Variants in ELF2 observed in about 807,000 individuals in gnomAD.
ELF2 encodes E74 like ETS transcription factor 2.
ELF2 carries 11 observed loss-of-function variants against 54.8 expected under a neutral mutation model. The ratio of observed to expected loss-of-function variants is 0.20; its 90% CI spans 0.13 to 0.33. The LOEUF is 0.33. Ranked by LOEUF, ELF2 falls within the 10% of genes least tolerant of loss-of-function variation. The pLI is 1.00. For missense variants in ELF2, 513 were observed against 703.0 expected (o/e 0.73, Z 3.06); for synonymous variants, 203 against 245.1 (o/e 0.83, Z 1.61).
chr4:139,123,420 C>T (rs1276135212), intron 4 of ELF2, among the ~76,000 whole-genome samples: 3 of 152,060 alleles, frequency 2.0e-5, no homozygotes, highest in Non-Finnish European at 2.9e-5. Context: ...TATCTCTGCC[C>T]AGCAAATGAT....
chr4:139,127,492 TG>T (rs1737040213), intron 3 of ELF2, among the ~76,000 whole-genome samples: 3 of 152,198 alleles, frequency 2.0e-5, no homozygotes, highest in Admixed American at 2.0e-4. Context: ...TCAATTAGCT[TG>T]GTAAACTATT....
At chr4:139,116,747 C>T (rs923534093) in intron 4 of ELF2, 4 of 985,104 alleles carry the variant, frequency 4.1e-6, no homozygotes, top group Non-Finnish European at 4.8e-6. Flanking sequence ...CGATCTTCTA[C>T]CTCCCTGTGG....
At chr4:139,106,443 T>C (rs1044904881) in intron 4 of ELF2, among the ~76,000 whole-genome samples, 3 of 152,140 alleles carry the variant, frequency 2.0e-5, no homozygotes, top group Non-Finnish European at 2.9e-5. Context: ...GGAACAATAG[T>C]TTTTTAGCTT....
At chr4:139,152,957 G>T (rs1236733262) in intron 1 of ELF2, among the ~76,000 whole-genome samples, 6 of 141,506 alleles carry the variant, frequency 4.2e-5, no homozygotes, top group African/African-American at 5.4e-5. Flanking sequence ...GTGCAGTGGT[G>T]CAATCTCTGC....
rs1339782628 is a variant in ELF2 at position 139,066,395 on chromosome 4, G to A, written c.613+1289C>T. On this transcript the variant is annotated intron_variant, in intron 7 of 9. Transcript: ENST00000686138. Reference sequence around the variant, plus strand: ...GGCCAAGATGGGAGGATCGCTTGAGGCGAGGGGTTTGGGACAAGCCTGGGC... The same window carrying A: ...GGCCAAGATGGGAGGATCGCTTGAGACGAGGGGTTTGGGACAAGCCTGGGC... The A allele has an allele frequency of 2.6e-5, 4 of 151,990 alleles. No individual in the cohort carries two copies. In the East Asian group the frequency reaches 7.7e-4, roughly 29 times the overall value. The allele number at this position is 151,990 out of a possible 1,614,324, so 9.4% of individuals were successfully genotyped here. A position where few individuals can be genotyped will look rare whatever the true frequency, so the allele number is the denominator to read the frequency against.
intron 1 of ELF2, among the ~76,000 whole-genome samples, chr4:139,152,326 T>C (rs1740083229): frequency 6.6e-6 from 1 of 152,056 alleles, no homozygotes; most frequent in African/African-American, 2.4e-5. Context: ...AATTGTAATT[T>C]GTAGTCTACA....
chr4:139,130,418 G>T (rs1737374387), intron 3 of ELF2, among the ~76,000 whole-genome samples: 2 of 152,044 alleles, frequency 1.3e-5, no homozygotes, highest in Admixed American at 6.6e-5. Context: ...TTGATTAGTG[G>T]CATTGCTTCT....
intron 1 of ELF2, among the ~76,000 whole-genome samples, chr4:139,160,317 A>T (rs1294657257): frequency 6.6e-6 from 1 of 152,038 alleles, no homozygotes; most frequent in Non-Finnish European, 1.5e-5. Context: ...CAGACCTACT[A>T]TGTTAACTCT....
intron 4 of ELF2, among the ~76,000 whole-genome samples, chr4:139,115,728 C>G (rs913079685): frequency 1.3e-5 from 2 of 152,178 alleles, no homozygotes; most frequent in Non-Finnish European, 2.9e-5. Context: ...AGTTGATAGT[C>G]TCTTAAAAGT....
intron 4 of ELF2, among the ~76,000 whole-genome samples, chr4:139,123,182 CAAA>C (rs762824168): frequency 1.5e-5 from 1 of 67,318 alleles, no homozygotes. Flanking sequence ...GACTCTGTCT[CAAA>C]AAAAAAAAAA....
At position 139,057,795 on chromosome 4, in the gene ELF2, A is replaced by G. The variant is rs1363629537; in HGVS notation, c.*1188T>C. 6.6e-6 allele frequency: 1 copy of G among 152,542 alleles called. No individual in the cohort carries two copies. The highest frequency in any genetic ancestry group is 6.5e-5 in the Admixed American group (1 of 15,280). The allele number at this position is 152,542 out of a possible 1,614,324, so 9.4% of individuals were successfully genotyped here. On this transcript the variant is annotated 3_prime_UTR_variant, in exon 10 of 10. Coordinates refer to ENST00000686138, the MANE Select transcript of ELF2 (RefSeq NM_001331036.3). ...GAAGAGAGATGTTTTATCACTTCCTAACTAAAACACTTCTATACTGACTTT... is the reference window on the plus strand; with the variant it reads ...GAAGAGAGATGTTTTATCACTTCCTGACTAAAACACTTCTATACTGACTTT...
intron 7 of ELF2, among the ~76,000 whole-genome samples, chr4:139,062,790 T>G (rs1728072280): frequency 6.6e-6 from 1 of 152,196 alleles, no homozygotes; most frequent in African/African-American, 2.4e-5. Flanking sequence ...GTGTAAAACT[T>G]TTAGGCATCA....
intron 1 of ELF2, among the ~76,000 whole-genome samples, chr4:139,158,154 T>A (rs1740739768): frequency 1.3e-5 from 2 of 152,100 alleles, no homozygotes; most frequent in Non-Finnish European, 2.9e-5. Context: ...GCGGTAGTTC[T>A]CTGGCGGGCA....
intron 1 of ELF2, among the ~76,000 whole-genome samples, chr4:139,154,741 C>T (rs1740350824): frequency 6.6e-6 from 1 of 151,666 alleles, no homozygotes; most frequent in South Asian, 2.1e-4. Context: ...TAAGTCATCC[C>T]TCTGCTAACC....
intron 1 of ELF2, among the ~76,000 whole-genome samples, chr4:139,163,785 G>A (rs1317874382): frequency 2.0e-5 from 3 of 152,010 alleles, no homozygotes; most frequent in African/African-American, 7.2e-5. Context: ...ACACTGGCAT[G>A]TGCCTGTAGT....
At chr4:139,097,662 A>G (rs1248550221) in intron 4 of ELF2, among the ~76,000 whole-genome samples, 2 of 151,976 alleles carry the variant, frequency 1.3e-5, no homozygotes, top group East Asian at 1.9e-4. Context: ...CAATGCTTTC[A>G]ATGTTATTTA....
rs373406912 is a variant in ELF2, at chr4:139,150,601, AC to A, written c.-251-11105del. 2.6e-4 allele frequency among the ~76,000 whole-genome samples: 40 copies of A among 152,200 alleles called. No homozygotes were observed. In the East Asian group the frequency reaches 5.4e-3, roughly 21 times the overall value. ...CTCCTCAAGAACTGCTGTAGTCTAT[AC>A]TAACTAGGCAATAAGGTAATGGTGT... On this transcript the variant is annotated intron_variant, in intron 1 of 9. Coordinates refer to ENST00000686138, the MANE Select transcript of ELF2 (RefSeq NM_001331036.3).
At chr4:139,094,194 C>T (rs1192207542) in intron 4 of ELF2, among the ~76,000 whole-genome samples, 8 of 152,070 alleles carry the variant, frequency 5.3e-5, no homozygotes, top group South Asian at 2.1e-4. Context: ...CCACCACGCC[C>T]GGCAACTAAC....
chr4:139,151,185 ATAAAT>A (rs1191177601), intron 1 of ELF2, among the ~76,000 whole-genome samples: 3 of 152,128 alleles, frequency 2.0e-5, no homozygotes, highest in African/African-American at 7.2e-5. Context: ...CAATCACAAA[ATAAAT>A]TACAGATACA....
Sources: allele counts gnomAD v4.1 joint callset (sites outside exome capture counted in the v4.1 genomes callset), GRCh38; gene constraint gnomAD v4.1.1; transcripts MANE v1.5; gene names NCBI Gene and HGNC (gene_info 2026-07-23, HGNC 2026-07-21).